The following SLC9D1 variants were observed in gnomAD, a reference collection of about 807,000 sequenced individuals.
The protein encoded by SLC9D1 is solute carrier family 9 member D1.
At chr13:113,517,109 C>CCTTGT in the SLC9D1 span, among the ~76,000 whole-genome samples, 1 of 152,006 alleles carries the variant, frequency 6.6e-6, no homozygotes, top group Non-Finnish European at 1.5e-5. Flanking sequence ...CCCTTGTCTC[C>CCTTGT]CTGGGAGTAA....
chr13:113,524,345 C>A, the SLC9D1 span, among the ~76,000 whole-genome samples: 1 of 152,042 alleles, frequency 6.6e-6, no homozygotes, highest in Non-Finnish European at 1.5e-5. Flanking sequence ...TGTAATATTT[C>A]TTTTTTTGTT....
the SLC9D1 span, among the ~76,000 whole-genome samples, chr13:113,539,017 G>A: frequency 5.3e-5 from 8 of 152,202 alleles, no homozygotes; most frequent in South Asian, 2.1e-4. This position sits in a 1 kb window ranked among gnomAD's most constrained non-coding sequence, Gnocchi z 4.8. Flanking sequence ...CACTCCCACC[G>A]GGCTATTCTG....
the SLC9D1 span, among the ~76,000 whole-genome samples, chr13:113,548,611 C>T: frequency 4.6e-5 from 7 of 152,266 alleles, no homozygotes; most frequent in Non-Finnish European, 8.8e-5. Flanking sequence ...TCTGCTCATC[C>T]AGCATGTGGC....
chr13:113,549,755 C>T, the SLC9D1 span: 1 of 719,846 alleles, frequency 1.4e-6, no homozygotes, highest in Non-Finnish European at 2.5e-6. Flanking sequence ...TGATTATGTG[C>T]AGTAGACCCG....
At chr13:113,530,575 G>C in the SLC9D1 span, 4 of 151,980 alleles carry the variant, frequency 2.6e-5, no homozygotes, top group African/African-American at 9.7e-5. Flanking sequence ...AATAACGAGG[G>C]AAAATTTATA....
chr13:113,503,658 T>C, the SLC9D1 span: 14 of 902,544 alleles, frequency 1.6e-5, no homozygotes, highest in Admixed American at 2.8e-4. Flanking sequence ...TCATACACTT[T>C]TAACACTTGT....
chr13:113,525,617 G>A, the SLC9D1 span, among the ~76,000 whole-genome samples: 1 of 108,916 alleles, frequency 9.2e-6, no homozygotes, highest in Non-Finnish European at 1.8e-5. Context: ...CATCATAGCA[G>A]ACGACAGCTC....
the SLC9D1 span, among the ~76,000 whole-genome samples, chr13:113,547,599 C>T: frequency 3.3e-5 from 5 of 152,116 alleles, no homozygotes; most frequent in Admixed American, 1.3e-4. Context: ...CAGAATTGAG[C>T]GTGTTTAAAG....
chr13:113,530,177 G>A, the SLC9D1 span: 2 of 152,246 alleles, frequency 1.3e-5, no homozygotes, highest in Non-Finnish European at 2.9e-5. Flanking sequence ...GTACAGACAG[G>A]ATGAATTACT....
the SLC9D1 span, chr13:113,535,132 A>G: frequency 6.6e-6 from 1 of 152,286 alleles, no homozygotes; most frequent in African/African-American, 2.4e-5. The surrounding 1 kb of genome is among the most constrained non-coding windows in gnomAD (Gnocchi z 4.1). Flanking sequence ...ACTAATATCA[A>G]ACCATGCTAC....
At chr13:113,523,384 G>C in the SLC9D1 span, among the ~76,000 whole-genome samples, 3 of 152,114 alleles carry the variant, frequency 2.0e-5, no homozygotes, top group African/African-American at 7.2e-5. Flanking sequence ...AGTTGTGGTA[G>C]CTTAGCTTTT....
the SLC9D1 span, chr13:113,549,825 T>C: frequency 1.9e-5 from 11 of 578,536 alleles, no homozygotes; most frequent in Middle Eastern, 4.2e-4. Context: ...TTTTTTTTTT[T>C]CCCTGAAATT....
chr13:113,497,537 C>CCGCTGTGTGAGACCTGT, the SLC9D1 span, among the ~76,000 whole-genome samples: 2 of 111,762 alleles, frequency 1.8e-5, no homozygotes, highest in African/African-American at 9.1e-5. Context: ...GTGAGACCTG[C>CCGCTGTGTGAGACCTGT]AGCTGTGCGA....
At chr13:113,549,295 CTG>C in the SLC9D1 span, 6 of 1,039,068 alleles carry the variant, frequency 5.8e-6, no homozygotes, top group African/African-American at 1.6e-5. Context: ...CTCAGCGTGA[CTG>C]TGCTCAGCCT....
chr13:113,532,789 C>T, the SLC9D1 span, among the ~76,000 whole-genome samples: 452 of 149,220 alleles, frequency 3.0e-3, 3 homozygotes, highest in Middle Eastern at 0.011. Flanking sequence ...CCTTCTAAGT[C>T]GCAGACGTGG....
chr13:113,548,461 C>T, the SLC9D1 span: 83 of 1,599,596 alleles, frequency 5.2e-5, no homozygotes, highest in Non-Finnish European at 6.6e-5. Context: ...AGGTGAGTGG[C>T]TTCCCCCCGC....
the SLC9D1 span, chr13:113,547,474 G>T: frequency 2.0e-6 from 2 of 1,000,392 alleles, no homozygotes; most frequent in African/African-American, 3.2e-5. Flanking sequence ...CATCGGGCCT[G>T]CAGAGCCGGC....
At chr13:113,503,346 TGTGTGTG>T in the SLC9D1 span, 2,633 of 155,040 alleles carry the variant, frequency 0.017, 9 homozygotes, top group African/African-American at 0.026. Flanking sequence ...ACTGTGTGAT[TGTGTGTG>T]TGTGTGTGTG....
chr13:113,501,852 T>G, the SLC9D1 span: 2 of 1,612,080 alleles, frequency 1.2e-6, no homozygotes, highest in African/African-American at 2.7e-5. Flanking sequence ...GGTGTACTTC[T>G]GGGACCTTCA....
Sources: gnomAD v4.1 joint callset for allele counts (sites outside exome capture counted in the v4.1 genomes callset) on GRCh38, gnomAD v4.1.1 for gene constraint, Gnocchi (gnomAD v3.1) non-coding constraint, MANE v1.5 for transcripts, NCBI Gene and HGNC (gene_info 2026-07-23, HGNC 2026-07-21) for gene names.